CTNNA3: variants seen among roughly 807,000 people sequenced by gnomAD.
CTNNA3 encodes catenin alpha 3, also known as catenin alpha-3.
Under a neutral mutation model 95.7 loss-of-function variants are expected in CTNNA3, and 76 were observed. That is an observed-to-expected ratio of 0.79 (90% CI 0.66 to 0.96). CTNNA3 has a LOEUF of 0.96. CTNNA3 is among the 40% of genes least tolerant of loss of function. The pLI is 0.00. For missense variants in CTNNA3, 1,191 were observed against 1,089.8 expected (o/e 1.09, Z -1.31); for synonymous variants, 431 against 374.4 (o/e 1.15, Z -1.74).
intron 7 of CTNNA3, among the ~76,000 whole-genome samples, chr10:66,783,633 T>C (rs1840627899): frequency 1.7e-5 from 2 of 116,522 alleles, no homozygotes; most frequent in South Asian, 6.0e-4. Context: ...TGTGAGCTCC[T>C]GTGAGCTCAT....
chr10:66,866,679 G>A (rs1844191840), intron 7 of CTNNA3, among the ~76,000 whole-genome samples: 1 of 152,016 alleles, frequency 6.6e-6, no homozygotes, highest in South Asian at 2.1e-4. Context: ...GAGCCACGAG[G>A]TATTATAAAT....
intron 7 of CTNNA3, among the ~76,000 whole-genome samples, chr10:66,821,313 T>C (rs1564704511): frequency 6.6e-6 from 1 of 152,150 alleles, no homozygotes; most frequent in Non-Finnish European, 1.5e-5. Context: ...TATTTCCAAA[T>C]GTATAATGCT....
rs1416867925 is a variant in CTNNA3 at position 67,568,091 on chromosome 10, G to A, written c.293-28422C>T. ...CTAGGGGACTTTCTCTCTCCCTTGT[G>A]AGTAGTAAACTTTGGGTTAAAAAAT... On this transcript the variant is annotated intron_variant, in intron 3 of 17. Transcript: ENST00000433211. Among the ~76,000 whole-genome samples, 5 of 152,078 alleles carry A rather than the reference G, an allele frequency of 3.3e-5. 1 individual carries two copies. The East Asian group carries it at 9.7e-4, about 29-fold the overall frequency.
chr10:67,260,808 C>G (rs559830111), intron 5 of CTNNA3, among the ~76,000 whole-genome samples: 71 of 152,050 alleles, frequency 4.7e-4, no homozygotes, highest in Non-Finnish European at 6.5e-4. Context: ...CCTCAGCCTC[C>G]TGAGTAGCTG....
At chr10:67,580,928 A>T (rs2133318653) in intron 3 of CTNNA3, among the ~76,000 whole-genome samples, 1 of 152,248 alleles carries the variant, frequency 6.6e-6, no homozygotes. Context: ...GACTTTGCTG[A>T]AGTTGCTTAT....
chr10:66,946,667 CA>C (rs2132703301), intron 7 of CTNNA3, among the ~76,000 whole-genome samples: 1 of 152,194 alleles, frequency 6.6e-6, no homozygotes, highest in African/African-American at 2.4e-5. Flanking sequence ...ACTTATTTCT[CA>C]TTTGACATCA....
intron 5 of CTNNA3, among the ~76,000 whole-genome samples, chr10:67,341,560 T>G (rs747680546): frequency 3.9e-5 from 6 of 152,232 alleles, no homozygotes; most frequent in Non-Finnish European, 7.3e-5. Flanking sequence ...TACTCCATTG[T>G]GTATATGTAC....
chr10:66,389,083 T>C (rs1162626480), intron 11 of CTNNA3, among the ~76,000 whole-genome samples: 1 of 152,142 alleles, frequency 6.6e-6, no homozygotes, highest in Non-Finnish European at 1.5e-5. Flanking sequence ...TTTAAACTTT[T>C]AGGAAAGAAA....
intron 3 of CTNNA3, among the ~76,000 whole-genome samples, chr10:67,555,248 G>C (rs1458138258): frequency 6.6e-6 from 1 of 152,076 alleles, no homozygotes; most frequent in African/African-American, 2.4e-5. Flanking sequence ...CTCTTTTTTG[G>C]TTCCATATGA....
At chr10:67,521,479 G>T (rs370457212) in intron 5 of CTNNA3, among the ~76,000 whole-genome samples, 4 of 152,206 alleles carry the variant, frequency 2.6e-5, no homozygotes, top group South Asian at 4.1e-4. Flanking sequence ...CTGGTCTTCA[G>T]GTGATTTTTC....
intron 7 of CTNNA3, among the ~76,000 whole-genome samples, chr10:67,092,107 C>A (rs1044031962): frequency 3.4e-4 from 52 of 151,986 alleles, no homozygotes; most frequent in African/African-American, 1.2e-3. Context: ...ATCTAAAAAA[C>A]TGAATTTCTT....
chr10:65,952,136 C>A (rs2077630522), intron 17 of CTNNA3, among the ~76,000 whole-genome samples: 1 of 151,744 alleles, frequency 6.6e-6, no homozygotes, highest in South Asian at 2.1e-4. Context: ...TCTTCAAGTA[C>A]CATTATAACT....
chr10:66,762,128 T>G (rs1432460948), intron 9 of CTNNA3, among the ~76,000 whole-genome samples: 1 of 152,220 alleles, frequency 6.6e-6, no homozygotes, highest in Non-Finnish European at 1.5e-5. Flanking sequence ...ATTTTTATTT[T>G]TAAGCTAAAT....
chr10:65,988,195 C>A (rs1362888867), intron 16 of CTNNA3, among the ~76,000 whole-genome samples: 1 of 151,854 alleles, frequency 6.6e-6, no homozygotes, highest in African/African-American at 2.4e-5. Context: ...GTGTTCAAAA[C>A]AAAGAAATGA....
chr10:67,516,421 A>G (rs1300313159), intron 5 of CTNNA3, among the ~76,000 whole-genome samples: 1 of 152,114 alleles, frequency 6.6e-6, no homozygotes, highest in East Asian at 1.9e-4. Flanking sequence ...GCCTAGCACT[A>G]TTTAGTTTCA....
At chr10:67,182,310 C>G (rs1373923622) in intron 6 of CTNNA3, among the ~76,000 whole-genome samples, 1 of 152,104 alleles carries the variant, frequency 6.6e-6, no homozygotes, top group South Asian at 2.1e-4. Context: ...GCTACAGTAA[C>G]CAAAACAGCA....
intron 7 of CTNNA3, among the ~76,000 whole-genome samples, chr10:67,045,498 AGGGAAC>A (rs1854676702): frequency 6.6e-6 from 1 of 152,104 alleles, no homozygotes; most frequent in Non-Finnish European, 1.5e-5. Context: ...GATCGCGGCG[AGGGAAC>A]TGTTCTGCTA....
chr10:65,999,844 GAGA>G (rs1728860931), intron 15 of CTNNA3, among the ~76,000 whole-genome samples: 2 of 151,354 alleles, frequency 1.3e-5, no homozygotes, highest in South Asian at 4.2e-4. Context: ...AAAAGACCTA[GAGA>G]AGAAAGGGTT....
intron 10 of CTNNA3, among the ~76,000 whole-genome samples, chr10:66,612,478 C>G (rs1844360957): frequency 6.6e-6 from 1 of 152,088 alleles, no homozygotes; most frequent in Non-Finnish European, 1.5e-5. Context: ...TGCCCTCCCA[C>G]TGGTTCTTAA....
Sources: gnomAD v4.1 joint callset for allele counts (sites outside exome capture counted in the v4.1 genomes callset) on GRCh38, gnomAD v4.1.1 for gene constraint, MANE v1.5 for transcripts, NCBI Gene and HGNC (gene_info 2026-07-23, HGNC 2026-07-21) for gene names.